The following TEX35 variants were observed in gnomAD, a reference collection of about 807,000 sequenced individuals.
TEX35 encodes the protein testis expressed 35, also known as testis-expressed protein 35.
TEX35 carries 26 observed loss-of-function variants against 31.9 expected under a neutral mutation model. The observed-to-expected ratio is 0.81, with a 90% CI of 0.60 to 1.13. The LOEUF (loss-of-function observed/expected upper bound fraction) is 1.13, where lower values mean the gene tolerates loss of function less well. Among genes scored for constraint, TEX35 ranks in the 50% most tolerant of loss-of-function variants. TEX35 has a pLI of 0.00. For missense variants in TEX35, 278 were observed against 273.5 expected (o/e 1.02, Z -0.12); for synonymous variants, 87 against 90.7 (o/e 0.96, Z 0.23).
intron 1 of TEX35, 92 bp from the exon 2 acceptor site, chr1:178,513,935 G>T: frequency 6.9e-7 from 1 of 1,459,328 alleles, no homozygotes; most frequent in Non-Finnish European, 9.4e-7. Context: ...GGTTGTGGGG[G>T]GCAGGGGGCA....
At chr1:178,521,000 T>A in intron 7 of TEX35, 126 bp downstream of exon 7, 1 of 1,543,424 alleles carries the variant, frequency 6.5e-7, no homozygotes, top group Non-Finnish European at 8.7e-7. Context: ...GACTTCTGGG[T>A]GCCGCCCGAG....
chr1:178,522,220 C>T, intron 8 of TEX35, 105 bp from the exon 9 acceptor site: 4 of 1,413,708 alleles, frequency 2.8e-6, no homozygotes, highest in Non-Finnish European at 3.8e-6. Flanking sequence ...CCAAGCAGGA[C>T]TCAGGTCCCT....
At position 178,514,681 on chromosome 1, in the gene TEX35, T is replaced by G. The variant is rs900904763; in HGVS notation, c.91-19T>G. On this transcript the variant is annotated intron_variant, in intron 2 of 8. Transcript: ENST00000319416. ...CATCTGCAATTCCCAAAGGTCTGTG[T>G]TCCTGTTTCAATCCACAGACATTTG... 1.2e-6 allele frequency: 2 copies of G among 1,612,724 alleles called. No homozygotes were observed. Among genetic ancestry groups the G allele is most frequent in the Non-Finnish European group, 1.7e-6 (2 of 1,179,030 alleles).
intron 8 of TEX35, chr1:178,521,801 T>G (rs750979436): frequency 5.8e-6 from 9 of 1,547,110 alleles, no homozygotes; most frequent in Non-Finnish European, 7.9e-6. Context: ...AAAACCTTCA[T>G]TCAAAGCCAA....
At position 178,520,802 on chromosome 1, in the gene TEX35, C is replaced by T. The variant is rs1418703599; in HGVS notation, c.471C>T (p.His157=). 5 of 1,614,170 alleles carry T rather than the reference C, an allele frequency of 3.1e-6. No individual in the cohort carries two copies. The highest frequency in any genetic ancestry group is 2.2e-5 in the East Asian group (1 of 44,876). ...TCAATGGAGCACCCTGTGCTCTTCA[C>T]AAGAAGACGATGGCACCACAAAAAA... is the stretch of plus-strand genomic sequence containing the variant. ...SGVNGAPCAL[H]KKTMAPQKTK... Residue 157 remains histidine, a synonymous_variant, in exon 7 of 9, where the codon CAC becomes CAT. Transcript: ENST00000319416.
intron 5 of TEX35, among the ~76,000 whole-genome samples, chr1:178,518,611 T>C (rs1650160911): frequency 6.6e-6 from 1 of 152,086 alleles, no homozygotes; most frequent in Admixed American, 6.5e-5. Flanking sequence ...CTCAGCTAGG[T>C]TAAAAAAAAT....
rs748421091 is a variant in TEX35, at chr1:178,520,835, GGGCTCACT to G, written c.507_514del (p.Leu171ProfsTer58). On this transcript the variant is annotated frameshift_variant, in exon 7 of 9. Transcript: ENST00000319416. LOFTEE classifies it high-confidence loss of function. ...CGATGGCACCACAAAAAACAAAACA[GGGCTCACT>G]GGATCCCCTTCATCACTGTGGGACC... 6.2e-7 allele frequency: 1 copy of G among 1,614,160 alleles called. No homozygotes were observed. The highest frequency in any genetic ancestry group is 1.7e-5 in the Admixed American group (1 of 60,020).
rs182222153 is a variant in TEX35 at position 178,518,554 on chromosome 1, T to C, written c.277-1818T>C. Among the ~76,000 whole-genome samples, 256 of 152,128 alleles carry C rather than the reference T, an allele frequency of 1.7e-3. 4 individuals carry two copies. The highest frequency in any genetic ancestry group is 2.1e-3 in the Non-Finnish European group (140 of 67,990). On this transcript the variant is annotated intron_variant, in intron 5 of 8. Coordinates refer to ENST00000319416, the MANE Select transcript of TEX35 (RefSeq NM_032126.5). ...AGACAATGTTTAGAAAGAATATTTA[T>C]AATAAGAACTAAAAAAGCAAGATAC...
intron 5 of TEX35, among the ~76,000 whole-genome samples, chr1:178,518,832 C>T (rs1041234680): frequency 6.6e-6 from 1 of 151,808 alleles, no homozygotes; most frequent in African/African-American, 2.4e-5. Context: ...ACAAAGGAGG[C>T]GATTTCAGGC....
At chr1:178,523,308 A>G (rs1241795924), downstream of TEX35, 2 of 701,370 alleles carry the variant, frequency 2.9e-6, no homozygotes, top group South Asian at 3.0e-5. Context: ...GTAGGTATAT[A>G]CGCTGCAGTG....
chr1:178,521,317 C>A, intron 8 of TEX35, 53 bp downstream of exon 8: 1 of 1,593,932 alleles, frequency 6.3e-7, no homozygotes, highest in Non-Finnish European at 8.6e-7. Context: ...CCTTGTTGTC[C>A]CCAAGGCCAT....
chr1:178,514,871 T>C (rs1650016491), intron 3 of TEX35, 103 bp downstream of exon 3: 1 of 932,786 alleles, frequency 1.1e-6, no homozygotes, highest in African/African-American at 1.6e-5. Flanking sequence ...AATATCCTCT[T>C]ACATAGGCAC....
At chr1:178,516,712 A>C in intron 5 of TEX35, 38 bp downstream of exon 5, 1 of 1,478,874 alleles carries the variant, frequency 6.8e-7, no homozygotes, top group Non-Finnish European at 9.3e-7. Context: ...GGCCAGTACC[A>C]TACTGGAAAC....
intron 1 of TEX35, 151 bp from the exon 2 acceptor site, chr1:178,513,876 C>T (rs555625710): frequency 3.1e-5 from 24 of 768,138 alleles, no homozygotes; most frequent in African/African-American, 2.8e-4. Flanking sequence ...CCGGGTGCTG[C>T]GGGGTCTGTG....
In TEX35 at chr1:178,520,361, C is replaced by T; in HGVS notation, c.277-11C>T. 1 of 1,611,988 alleles carries T rather than the reference C, an allele frequency of 6.2e-7. No individual in the cohort carries two copies. The highest frequency in any genetic ancestry group is 2.2e-5 in the East Asian group (1 of 44,868). ...AAAATGAAGATGCTAGTTCTGAATT[C>T]TCTCTCGAAGGAAATGCAGAAAGAT... On this transcript the variant is annotated splice_polypyrimidine_tract_variant and intron_variant, in intron 5 of 8. Coordinates refer to ENST00000319416, the MANE Select transcript of TEX35 (RefSeq NM_032126.5).
chr1:178,514,290 G>C, intron 2 of TEX35: 1 of 1,452,436 alleles, frequency 6.9e-7, no homozygotes, highest in Non-Finnish European at 9.2e-7. Flanking sequence ...TACCTGCTCT[G>C]CTGGGAATCA....
chr1:178,515,848 T>G lies in TEX35; in HGVS notation c.160-11T>G, dbSNP rs551984096. On this transcript the variant is annotated splice_polypyrimidine_tract_variant and intron_variant, in intron 3 of 8. Transcript: ENST00000319416. ...TCTTTCCTCCTTCTCTTCTCCATTT[T>G]ATTTCCTCAGAATGAACTCAGGGAA... 1 of 1,607,846 alleles carries G rather than the reference T, an allele frequency of 6.2e-7. No homozygotes were observed. The highest frequency in any genetic ancestry group is 1.1e-5 in the South Asian group (1 of 90,198).
At chr1:178,514,797 A>G (rs749610723) in intron 3 of TEX35, 29 bp downstream of exon 3, 8 of 1,602,284 alleles carry the variant, frequency 5.0e-6, no homozygotes, top group South Asian at 4.5e-5. Flanking sequence ...AGGCATGTCT[A>G]TATTCCAAAC....
chr1:178,521,136 A>C, intron 7 of TEX35, 86 bp from the exon 8 acceptor site: 1 of 1,602,290 alleles, frequency 6.2e-7, no homozygotes. Context: ...CCTTCCCTTT[A>C]GCAAGGGCAG....
Sources: gnomAD v4.1 joint callset for allele counts (sites outside exome capture counted in the v4.1 genomes callset) on GRCh38, gnomAD v4.1.1 for gene constraint, MANE v1.5 for transcripts, NCBI Gene and HGNC (gene_info 2026-07-23, HGNC 2026-07-21) for gene names.